Variants in VPS41 observed in about 807,000 individuals in gnomAD.
VPS41 encodes vacuolar protein sorting-associated protein 41 homolog.
In VPS41, 85 loss-of-function variants were observed where a neutral mutation model predicts 130.9. The ratio of observed to expected loss-of-function variants is 0.65; its 90% CI spans 0.55 to 0.78. The LOEUF is 0.78. VPS41 is among the 30% of genes least tolerant of loss of function. The pLI is 0.00. For synonymous variants in VPS41, 335 were observed against 332.9 expected, an observed-to-expected ratio of 1.01 and a Z score of -0.07; for missense variants, 874 against 1,018.7, an observed-to-expected ratio of 0.86 and a Z score of 1.93.
chr7:38,816,040 T>A (rs540144216), intron 7 of VPS41, among the ~76,000 whole-genome samples: 2 of 152,124 alleles, frequency 1.3e-5, no homozygotes, highest in Non-Finnish European at 2.9e-5. Context: ...AAAAAGTGTT[T>A]AGTGAAGAAA....
chr7:38,728,205 T>A, intron 27 of VPS41: 1 of 481,146 alleles, frequency 2.1e-6, no homozygotes. Context: ...ACCAGTGGCA[T>A]CAACATTACC....
At chr7:38,747,872 C>T (rs1326842212) in intron 22 of VPS41, among the ~76,000 whole-genome samples, 2 of 152,126 alleles carry the variant, frequency 1.3e-5, no homozygotes, top group East Asian at 1.9e-4. Flanking sequence ...CCTGTATATA[C>T]TTTCAAAAAG....
At chr7:38,869,687 G>A (rs7788383) in intron 2 of VPS41, among the ~76,000 whole-genome samples, 43,568 of 151,838 alleles carry the variant, frequency 0.29, 7,327 homozygotes, top group Non-Finnish European at 0.39. Context: ...ATAAGTAATA[G>A]GAAACAAAAA....
chr7:38,825,966 C>T (rs900988516), intron 5 of VPS41, among the ~76,000 whole-genome samples: 1 of 152,194 alleles, frequency 6.6e-6, no homozygotes, highest in East Asian at 1.9e-4. Flanking sequence ...CTTGTAACAG[C>T]CTCTCTCAAA....
intron 6 of VPS41, among the ~76,000 whole-genome samples, chr7:38,819,737 A>G (rs937028553): frequency 1.3e-5 from 2 of 151,986 alleles, no homozygotes; most frequent in Non-Finnish European, 2.9e-5. Flanking sequence ...AGTCCCTCCA[A>G]CTGCTTCTTC....
At chr7:38,844,155 T>C (rs1785673472) in intron 4 of VPS41, among the ~76,000 whole-genome samples, 1 of 152,244 alleles carries the variant, frequency 6.6e-6, no homozygotes, top group South Asian at 2.1e-4. Context: ...ATACTCCTAA[T>C]ACAAGAGTGC....
intron 23 of VPS41, 61 bp from the exon 24 acceptor site, chr7:38,743,603 G>C: frequency 6.4e-7 from 1 of 1,566,318 alleles, no homozygotes. Flanking sequence ...TTTTTTTAAA[G>C]AAATTGCATA....
chr7:38,829,497 A>G (rs1178629171), intron 5 of VPS41, among the ~76,000 whole-genome samples: 1 of 152,204 alleles, frequency 6.6e-6, no homozygotes, highest in African/African-American at 2.4e-5. Context: ...GTTATTTTAG[A>G]AAAGTAGCTT....
intron 4 of VPS41, among the ~76,000 whole-genome samples, chr7:38,861,818 T>C (rs962907401): frequency 6.6e-6 from 1 of 152,130 alleles, no homozygotes; most frequent in African/African-American, 2.4e-5. Flanking sequence ...AAATCAAGCT[T>C]CAAATTCAAT....
intron 4 of VPS41, among the ~76,000 whole-genome samples, chr7:38,861,246 A>C (rs1786104401): frequency 6.6e-6 from 1 of 152,214 alleles, no homozygotes; most frequent in Non-Finnish European, 1.5e-5. Context: ...AAAAAGACAG[A>C]AACAGAGTGT....
chr7:38,821,124 G>T, intron 6 of VPS41, 79 bp downstream of exon 6: 1 of 1,023,392 alleles, frequency 9.8e-7, no homozygotes, highest in Non-Finnish European at 1.5e-6. Flanking sequence ...TACAGAAGTG[G>T]TAATGTTCAA....
intron 2 of VPS41, among the ~76,000 whole-genome samples, chr7:38,874,617 G>C (rs1786447963): frequency 6.6e-6 from 1 of 152,092 alleles, no homozygotes; most frequent in Non-Finnish European, 1.5e-5. Flanking sequence ...AATATCCAAT[G>C]TTTTAAAGCT....
chr7:38,894,811 G>C (rs2116427684), intron 2 of VPS41, among the ~76,000 whole-genome samples: 1 of 152,246 alleles, frequency 6.6e-6, no homozygotes, highest in East Asian at 1.9e-4. Context: ...AGGCTAGACA[G>C]CAAGAAAATG....
chr7:38,737,997 T>C (rs1795805639), intron 25 of VPS41, among the ~76,000 whole-genome samples: 1 of 152,202 alleles, frequency 6.6e-6, no homozygotes, highest in South Asian at 2.1e-4. Context: ...CCCTGCTCCC[T>C]TTTATTTTTC....
intron 4 of VPS41, among the ~76,000 whole-genome samples, chr7:38,856,034 G>A (rs763946048): frequency 2.6e-5 from 4 of 152,104 alleles, no homozygotes; most frequent in Non-Finnish European, 5.9e-5. Flanking sequence ...CAGCCTTCCC[G>A]CTGTGTCCTT....
intron 1 of VPS41, among the ~76,000 whole-genome samples, chr7:38,906,429 C>T (rs1316894712): frequency 6.6e-6 from 1 of 151,978 alleles, no homozygotes; most frequent in Admixed American, 6.5e-5. Context: ...ACTGCTGCCC[C>T]GACCCTCTTG....
chr7:38,905,029 AAAAAGGTG>A (rs1294643048), intron 1 of VPS41, among the ~76,000 whole-genome samples: 1 of 152,206 alleles, frequency 6.6e-6, no homozygotes, highest in Non-Finnish European at 1.5e-5. Context: ...TAATAACTTA[AAAAAGGTG>A]CAAGTAAGAT....
At chr7:38,825,900 G>C (rs927507443) in intron 5 of VPS41, among the ~76,000 whole-genome samples, 1 of 152,218 alleles carries the variant, frequency 6.6e-6, no homozygotes, top group Admixed American at 6.5e-5. Flanking sequence ...CCCTGATGCA[G>C]AGAAATGAGG....
intron 16 of VPS41, among the ~76,000 whole-genome samples, chr7:38,765,274 C>T (rs1289501614): frequency 1.3e-5 from 2 of 151,942 alleles, no homozygotes; most frequent in East Asian, 3.9e-4. Context: ...TGCTTTATAA[C>T]CTACTGGATG....
Sources: allele counts gnomAD v4.1 joint callset (sites outside exome capture counted in the v4.1 genomes callset), GRCh38; gene constraint gnomAD v4.1.1; transcripts MANE v1.5; gene names NCBI Gene and HGNC (gene_info 2026-07-23, HGNC 2026-07-21).